The following KLC4 variants were observed in gnomAD, a reference collection of about 807,000 sequenced individuals.
KLC4 encodes kinesin light chain 4, also known as kinesin-like protein 8.
In KLC4, 49 loss-of-function variants were observed where a neutral mutation model predicts 77.2. That is an observed-to-expected ratio of 0.63 (90% CI 0.50 to 0.80). The LOEUF is 0.80. Ranked by LOEUF, KLC4 falls within the 30% of genes least tolerant of loss-of-function variation. The probability of loss-of-function intolerance (pLI) is 0.00; values close to 1 mark genes in which losing one functional copy is unlikely to be tolerated. For synonymous variants in KLC4, 274 were observed against 314.5 expected, an observed-to-expected ratio of 0.87 and a Z score of 1.36; for missense variants, 669 against 793.5, an observed-to-expected ratio of 0.84 and a Z score of 1.89.
intron 6 of KLC4, among the ~76,000 whole-genome samples, chr6:43,069,071 G>C (rs1026724651): frequency 6.6e-6 from 1 of 152,022 alleles, no homozygotes; most frequent in South Asian, 2.1e-4. Flanking sequence ...TCGCACCATT[G>C]CACTTCAACC....
chr6:43,061,966 C>CCACCCTTTTTTGAAAAGGT (rs1765187944), intron 2 of KLC4, among the ~76,000 whole-genome samples: 1 of 152,032 alleles, frequency 6.6e-6, no homozygotes, highest in Admixed American at 6.5e-5. Flanking sequence ...TCAGAAAAGG[C>CCACCCTTTTTTGAAAAGGT]CACCCTTTTT....
chr6:43,063,745 G>T (rs939472542), intron 3 of KLC4, among the ~76,000 whole-genome samples: 2 of 150,780 alleles, frequency 1.3e-5, no homozygotes, highest in Non-Finnish European at 3.0e-5. Context: ...CTAGAGACGG[G>T]GTTTCACCAT....
chr6:43,066,951 G>T (rs1170256559), intron 5 of KLC4, 45 bp from the exon 6 acceptor site: 4 of 1,586,582 alleles, frequency 2.5e-6, no homozygotes, highest in Non-Finnish European at 3.4e-6. Flanking sequence ...GAAGGAGAAG[G>T]CTTGCGGGTT....
At chr6:43,066,265 G>A in intron 4 of KLC4, 41 bp from the exon 5 acceptor site, 1 of 1,534,746 alleles carries the variant, frequency 6.5e-7, no homozygotes, top group Non-Finnish European at 9.0e-7. Context: ...ACAGCAAAGG[G>A]GAGAGGAAGA....
chr6:43,073,758 CAG>C lies in KLC4; in HGVS notation c.1746-143_1746-142del, dbSNP rs1275827741. ...TCTGGAGAAGTATCTCGGAGAGAAACAGGGAGGAAGTCAACGGGCCAGCCATG... is the reference window on the plus strand; with the variant it reads ...TCTGGAGAAGTATCTCGGAGAGAAACGGAGGAAGTCAACGGGCCAGCCATG... On this transcript the variant is annotated intron_variant, in intron 14 of 15. Transcript: ENST00000347162. 19 of 690,746 alleles carry C rather than the reference CAG, an allele frequency of 2.8e-5. No homozygotes were observed. The East Asian group carries it at 3.6e-4, about 13-fold the overall frequency. The allele number at this position is 690,746 out of a possible 1,614,324, so 42.8% of individuals were successfully genotyped here. A position where few individuals can be genotyped will look rare whatever the true frequency, so the allele number is the denominator to read the frequency against.
chr6:43,062,849 G>C, intron 2 of KLC4, 68 bp from the exon 3 acceptor site: 1 of 1,354,368 alleles, frequency 7.4e-7, no homozygotes, highest in Non-Finnish European at 1.1e-6. Flanking sequence ...GTCCCAGTAG[G>C]CTCCCCTTCC....
chr6:43,065,758 C>A, intron 4 of KLC4, 57 bp downstream of exon 4: 2 of 1,190,160 alleles, frequency 1.7e-6, no homozygotes, highest in Non-Finnish European at 2.5e-6. Context: ...CTGGCCCTAG[C>A]TGTGGCCCAC....
chr6:43,061,705 C>T (rs1290685074), intron 2 of KLC4, 112 bp downstream of exon 2: 7 of 1,088,694 alleles, frequency 6.4e-6, no homozygotes, highest in Non-Finnish European at 7.8e-6. Context: ...TGCATTCATT[C>T]ATTAAATATG....
rs1323542120 is a variant in KLC4 at position 43,075,005 on chromosome 6, T to C, written c.*333T>C. 8.7e-6 allele frequency: 3 copies of C among 344,902 alleles called. No homozygotes were observed. Among genetic ancestry groups the C allele is most frequent in the Non-Finnish European group, 1.6e-5 (3 of 184,564 alleles). 21.4% of individuals were successfully genotyped at this position (344,902 alleles called of 1,614,324 possible). On this transcript the variant is annotated 3_prime_UTR_variant, in exon 16 of 16. Coordinates refer to ENST00000347162, the MANE Select transcript of KLC4 (RefSeq NM_201521.3). ...TGGGGGCTGGCCAGCCAAGCTGCCT[T>C]GCCCTGGCCGCTCTTACTCCCTCCC...
At chr6:43,071,200 TAA>T (rs540602192) in intron 8 of KLC4, 73 bp from the exon 9 acceptor site, 63,351 of 598,422 alleles carry the variant, frequency 0.11, no homozygotes, top group East Asian at 0.13. Flanking sequence ...AGACCTTGTC[TAA>T]AAAAAAAAAA....
At chr6:43,074,539 G>T in intron 15 of KLC4, 83 bp from the exon 16 acceptor site, 1 of 1,146,030 alleles carries the variant, frequency 8.7e-7, no homozygotes, top group South Asian at 1.2e-5. Context: ...GATACACTGT[G>T]ACCATGGGAT....
chr6:43,060,680 G>A (rs1336224073), intron 1 of KLC4: 12 of 1,025,998 alleles, frequency 1.2e-5, no homozygotes, highest in Non-Finnish European at 1.4e-5. Flanking sequence ...TGGGGGGTGG[G>A]AAGTATGGGT....
At position 43,065,678 on chromosome 6, in the gene KLC4, A is replaced by G. The variant is rs1765387262; in HGVS notation, c.548A>G (p.Glu183Gly). 2 of 1,613,180 alleles carry G rather than the reference A, an allele frequency of 1.2e-6. No individual in the cohort carries two copies. The highest frequency in any genetic ancestry group is 1.7e-4 in the Middle Eastern group (1 of 5,950). ...CTGGATGACCTCTTTCCTAATGAGG[A>G]GGAAGAGGACCCCAGCAATGGCTGT... ...DSLDDLFPNE[E>G]EEDPSNGLSR... Residue 183 changes from glutamate (E) to glycine (G), a missense_variant, in exon 4 of 16, where the codon GAG (glutamate) becomes GGG (glycine). By Grantham distance (98) the Glu-to-Gly change is moderately conservative (BLOSUM62 -2). Coordinates refer to ENST00000347162, the MANE Select transcript of KLC4 (RefSeq NM_201521.3).
intron 14 of KLC4, 86 bp downstream of exon 14, chr6:43,073,424 G>A: frequency 1.1e-6 from 1 of 892,008 alleles, no homozygotes; most frequent in Non-Finnish European, 1.8e-6. Flanking sequence ...GCCGAGGCGG[G>A]TGGATCACCT....
chr6:43,065,504 A>G, intron 3 of KLC4, 116 bp from the exon 4 acceptor site: 1 of 680,048 alleles, frequency 1.5e-6, no homozygotes, highest in Admixed American at 2.5e-5. Context: ...CAGAGACAGG[A>G]ACAACAGTCT....
chr6:43,061,756 G>T (rs1350161505), intron 2 of KLC4, among the ~76,000 whole-genome samples, 163 bp downstream of exon 2: 1 of 152,224 alleles, frequency 6.6e-6, no homozygotes, highest in Non-Finnish European at 1.5e-5. Flanking sequence ...TTTGGGCACT[G>T]AAGAGATACA....
intron 10 of KLC4, 28 bp downstream of exon 10, chr6:43,071,647 G>T (rs778098573): frequency 5.6e-6 from 9 of 1,608,136 alleles, no homozygotes; most frequent in Non-Finnish European, 7.7e-6. Flanking sequence ...GGGCCAGCCT[G>T]GGGAGCTCAA....
intron 1 of KLC4, chr6:43,060,224 G>A: frequency 3.7e-6 from 6 of 1,614,194 alleles, no homozygotes; most frequent in Non-Finnish European, 5.1e-6. Flanking sequence ...AAGTGACTGG[G>A]TTTGGAGTGA....
chr6:43,070,502 T>G, intron 7 of KLC4, 47 bp downstream of exon 7: 1 of 1,492,432 alleles, frequency 6.7e-7, no homozygotes, highest in Non-Finnish European at 9.3e-7. Flanking sequence ...GTGACCCTTC[T>G]CTACATGGCT....
Sources: allele counts gnomAD v4.1 joint callset (sites outside exome capture counted in the v4.1 genomes callset), GRCh38; gene constraint gnomAD v4.1.1; transcripts MANE v1.5; gene names NCBI Gene and HGNC (gene_info 2026-07-23, HGNC 2026-07-21).